The following PRSS23 variants were observed in gnomAD, a reference collection of about 807,000 sequenced individuals.
PRSS23 encodes the protein protease, serine 23.
In PRSS23, 25 loss-of-function variants were observed where a neutral mutation model predicts 34.7. The observed-to-expected ratio is 0.72, with a 90% CI of 0.53 to 1.01. The LOEUF is 1.01. Among genes scored for constraint, PRSS23 ranks in the 50% least tolerant of loss-of-function variants. The pLI, the probability that PRSS23 is intolerant of heterozygous loss-of-function variation, is 0.00. For synonymous variants in PRSS23, 176 were observed against 186.6 expected, an observed-to-expected ratio of 0.94 and a Z score of 0.46; for missense variants, 445 against 475.6, an observed-to-expected ratio of 0.94 and a Z score of 0.60.
chr11:86,826,740 A>G (rs1948304305), intron 2 of PRSS23, among the ~76,000 whole-genome samples: 1 of 152,168 alleles, frequency 6.6e-6, no homozygotes, highest in South Asian at 2.1e-4. Flanking sequence ...TTCTGCATCT[A>G]TTGAGATAAT....
intron 2 of PRSS23, chr11:86,939,194 T>C (rs1336565882): frequency 9.5e-6 from 3 of 314,900 alleles, no homozygotes; most frequent in Non-Finnish European, 1.9e-5. Context: ...TAAGAAGTGC[T>C]TGTAAGGAGT....
At chr11:86,912,372 C>T (rs922045092) in intron 2 of PRSS23, 1 of 148,964 alleles carries the variant, frequency 6.7e-6, no homozygotes, top group Non-Finnish European at 1.5e-5. Context: ...TGTCTTCTGC[C>T]CCATTTTCTA....
chr11:86,842,227 C>T (rs1948453884), intron 2 of PRSS23, among the ~76,000 whole-genome samples: 1 of 152,190 alleles, frequency 6.6e-6, no homozygotes, highest in African/African-American at 2.4e-5. Context: ...TGACAAAATT[C>T]AACAGACCTT....
intron 2 of PRSS23, among the ~76,000 whole-genome samples, chr11:86,884,635 T>C (rs1048344865): frequency 2.0e-5 from 3 of 152,166 alleles, no homozygotes; most frequent in African/African-American, 7.2e-5. Context: ...ATTTTCTTTC[T>C]CAAAACCTTA....
intron 2 of PRSS23, among the ~76,000 whole-genome samples, chr11:86,928,707 T>TATATATATATATATATA (rs59624601): frequency 0.019 from 1,245 of 65,776 alleles, 110 homozygotes; most frequent in Middle Eastern, 0.04. Context: ...AAAAAAAAAA[T>TATATATATATATATATA]TGGCAAGACA....
chr11:86,839,395 A>G (rs1391519261), intron 2 of PRSS23, among the ~76,000 whole-genome samples: 1 of 152,148 alleles, frequency 6.6e-6, no homozygotes, highest in East Asian at 1.9e-4. Context: ...AAGTGAGAAG[A>G]ATAGAGAAAA....
intron 2 of PRSS23, among the ~76,000 whole-genome samples, chr11:86,916,915 T>G (rs552914676): frequency 2.5e-4 from 38 of 152,240 alleles, no homozygotes; most frequent in Non-Finnish European, 4.7e-4. Context: ...GCTTTATACC[T>G]TTCTGTATCC....
chr11:86,837,291 C>A (rs1948414396), intron 2 of PRSS23: 1 of 152,222 alleles, frequency 6.6e-6, no homozygotes, highest in African/African-American at 2.4e-5. Context: ...CAGCTGAGAC[C>A]AGGTCATCTG....
chr11:86,851,513 G>A (rs543914722), intron 2 of PRSS23, among the ~76,000 whole-genome samples: 1 of 152,366 alleles, frequency 6.6e-6, no homozygotes, highest in East Asian at 1.9e-4. Flanking sequence ...ATTTGAGAGG[G>A]CAGGTTGGAT....
At position 86,791,472 on chromosome 11, in the gene PRSS23, C is replaced by T. The variant is rs1233939807; in HGVS notation, c.-14+277C>T. Among the ~76,000 whole-genome samples, 4 of 152,186 alleles carry T rather than the reference C, an allele frequency of 2.6e-5. No individual in the cohort carries two copies. The East Asian group carries it at 7.7e-4, about 29-fold the overall frequency. On this transcript the variant is annotated intron_variant, in intron 1 of 1. Transcript: ENST00000527521. ...GCTTCTGTAAGTACAAATCCTCCTG[C>T]TGAACCCCTGGGCCAGCCACCTCTA... is the stretch of plus-strand genomic sequence containing the variant.
intron 2 of PRSS23, among the ~76,000 whole-genome samples, chr11:86,844,763 G>C (rs1451397508): frequency 6.6e-6 from 1 of 152,168 alleles, no homozygotes; most frequent in Non-Finnish European, 1.5e-5. Flanking sequence ...ATGGCATGTT[G>C]CTGGAAGGGA....
chr11:86,944,186 T>C (rs528088947), intron 2 of PRSS23, among the ~76,000 whole-genome samples: 1 of 152,132 alleles, frequency 6.6e-6, no homozygotes, highest in East Asian at 1.9e-4. Context: ...GCTTGGCCTG[T>C]AGCTGCATAA....
intron 2 of PRSS23, among the ~76,000 whole-genome samples, chr11:86,902,395 T>C (rs1427839487): frequency 6.6e-6 from 1 of 152,204 alleles, no homozygotes; most frequent in Non-Finnish European, 1.5e-5. Context: ...TTAAGACCTG[T>C]TATTCAGCTT....
At chr11:86,867,372 T>C (rs1948656548) in intron 2 of PRSS23, among the ~76,000 whole-genome samples, 1 of 152,354 alleles carries the variant, frequency 6.6e-6, no homozygotes. Flanking sequence ...CCATGGGAAC[T>C]GTGGTTTACA....
chr11:86,834,922 G>A (rs762713033), intron 2 of PRSS23, among the ~76,000 whole-genome samples: 7 of 152,144 alleles, frequency 4.6e-5, no homozygotes, highest in African/African-American at 7.2e-5. Context: ...TGCATACCCC[G>A]CTTTTCGAAG....
chr11:86,884,956 T>C (rs1111891), intron 2 of PRSS23, among the ~76,000 whole-genome samples: 91,399 of 152,042 alleles, frequency 0.6, 27,710 homozygotes, highest in South Asian at 0.64. Context: ...AATTTAGGTG[T>C]TTCTCCTATA....
intron 2 of PRSS23, among the ~76,000 whole-genome samples, chr11:86,923,326 C>T (rs528690682): frequency 5.3e-5 from 8 of 152,014 alleles, no homozygotes; most frequent in Admixed American, 2.6e-4. Flanking sequence ...GGGGTCTTGC[C>T]GTGTTGCCTA....
chr11:86,825,913 G>C (rs551831268), intron 2 of PRSS23, among the ~76,000 whole-genome samples: 45 of 151,910 alleles, frequency 3.0e-4, no homozygotes, highest in African/African-American at 1.1e-3. Context: ...GTCAGGTAGG[G>C]TGATGCCTCC....
chr11:86,826,905 T>C (rs976190440), intron 2 of PRSS23, among the ~76,000 whole-genome samples: 5 of 152,234 alleles, frequency 3.3e-5, no homozygotes, highest in African/African-American at 7.2e-5. Context: ...CAGTATTTTA[T>C]TGAGGATTTT....
Sources: allele counts gnomAD v4.1 joint callset (sites outside exome capture counted in the v4.1 genomes callset), GRCh38; gene constraint gnomAD v4.1.1; transcripts MANE v1.5; gene names NCBI Gene and HGNC (gene_info 2026-07-23, HGNC 2026-07-21).